The following DAB1 variants were observed in gnomAD, a reference collection of about 807,000 sequenced individuals.
The protein encoded by DAB1 is disabled homolog 1.
Under a neutral mutation model 64.6 loss-of-function variants are expected in DAB1, and 15 were observed. The ratio of observed to expected loss-of-function variants is 0.23; its 90% CI spans 0.16 to 0.36. The LOEUF is 0.36. Among genes scored for constraint, DAB1 ranks in the 10% least tolerant of loss-of-function variants. The pLI is 1.00. For missense variants in DAB1, 596 were observed against 706.7 expected (o/e 0.84, Z 1.78); for synonymous variants, 235 against 251.9 (o/e 0.93, Z 0.64).
At chr1:58,451,330 C>T (rs1454580999) in intron 3 of DAB1, among the ~76,000 whole-genome samples, 1 of 152,160 alleles carries the variant, frequency 6.6e-6, no homozygotes, top group Admixed American at 6.5e-5. Flanking sequence ...TGGGCTCAAG[C>T]GACCCTCCCA....
chr1:57,684,179 C>T (rs12120263), intron 6 of DAB1, among the ~76,000 whole-genome samples: 1 of 151,932 alleles, frequency 6.6e-6, no homozygotes, highest in South Asian at 2.1e-4. Flanking sequence ...AGAAAGTAAG[C>T]AACTTGGAAA....
At position 57,799,494 on chromosome 1, in the gene DAB1, G is replaced by A. The variant is rs116796788; in HGVS notation, n.551+84505C>T. Among the ~76,000 whole-genome samples the A allele has an allele frequency of 9.3e-3, 1,402 of 150,520 alleles. 15 individuals carry two copies. The highest frequency in any genetic ancestry group is 0.033 in the African/African-American group (1,360 of 40,812). ...GGTTTGCCAGAGCCACGGTTTCAAAGTGTTTCCAGGCCAGACTGATTTGTT... is the reference window on the plus strand; with the variant it reads ...GGTTTGCCAGAGCCACGGTTTCAAAATGTTTCCAGGCCAGACTGATTTGTT... On this transcript the variant is annotated intron_variant and non_coding_transcript_variant, in intron 6 of 20. Coordinates refer to the DAB1 transcript ENST00000485760.
intron 6 of DAB1, among the ~76,000 whole-genome samples, chr1:57,722,669 A>C (rs1647165064): frequency 6.6e-6 from 1 of 152,206 alleles, no homozygotes. Context: ...TAATTTTGCA[A>C]TGTCATTTCA....
chr1:58,335,978 G>A (rs544335749), intron 4 of DAB1, among the ~76,000 whole-genome samples: 80 of 152,288 alleles, frequency 5.3e-4, no homozygotes, highest in African/African-American at 1.9e-3. Context: ...AAAGTCAAAG[G>A]AGCTGAAGAA....
intron 5 of DAB1, among the ~76,000 whole-genome samples, chr1:57,959,093 T>A (rs1645456407): frequency 6.6e-6 from 1 of 152,182 alleles, no homozygotes; most frequent in South Asian, 2.1e-4. Context: ...AGTCAAGTGA[T>A]CAGCACTCAG....
At chr1:57,558,633 A>G (rs1283320795) in intron 7 of DAB1, among the ~76,000 whole-genome samples, 1 of 152,220 alleles carries the variant, frequency 6.6e-6, no homozygotes, top group African/African-American at 2.4e-5. Flanking sequence ...GAGTTGGATC[A>G]GGCTGAATTT....
At chr1:57,991,957 A>T (rs1646349374) in intron 5 of DAB1, among the ~76,000 whole-genome samples, 1 of 151,728 alleles carries the variant, frequency 6.6e-6, no homozygotes, top group East Asian at 2.0e-4. Context: ...CAAGGAGGAC[A>T]TTCCAGGTAG....
intron 1 of DAB1, among the ~76,000 whole-genome samples, chr1:57,859,888 A>G (rs1239340169): frequency 1.3e-5 from 2 of 152,210 alleles, no homozygotes; most frequent in South Asian, 2.1e-4. Flanking sequence ...AAGACCTCTA[A>G]TAAACCTCTC....
intron 2 of DAB1, among the ~76,000 whole-genome samples, chr1:57,221,549 A>G (rs1666874361): frequency 6.6e-6 from 1 of 152,016 alleles, no homozygotes. Context: ...AAACTATGAT[A>G]CTCTGGAATT....
rs1031694179 is a variant in DAB1, at chr1:57,487,113, C to T, written n.625+162479G>A. Among the ~76,000 whole-genome samples the T allele has an allele frequency of 3.3e-5, 5 of 152,068 alleles. No individual in the cohort carries two copies. The East Asian group carries it at 9.7e-4, about 29-fold the overall frequency. On this transcript the variant is annotated intron_variant and non_coding_transcript_variant, in intron 7 of 20. Coordinates refer to the DAB1 transcript ENST00000485760. ...CACAGAAGAGCAAGCCAGATGGTGG[C>T]CCAGGTCAAGTCTAGACATTCAGCT... is the stretch of plus-strand genomic sequence containing the variant.
chr1:57,781,536 A>T (rs906241989), intron 6 of DAB1, among the ~76,000 whole-genome samples: 3 of 152,092 alleles, frequency 2.0e-5, no homozygotes, highest in African/African-American at 7.2e-5. Context: ...AAGTGGAGTC[A>T]TTCCCAATTT....
chr1:58,104,283 C>A lies in DAB1; in HGVS notation n.387+46228G>T, dbSNP rs534112712. Among the ~76,000 whole-genome samples, 100 of 152,250 alleles carry A rather than the reference C, an allele frequency of 6.6e-4. 2 individuals carry two copies. In the Middle Eastern group the frequency reaches 0.014, roughly 21 times the overall value. Reference sequence around the variant, plus strand: ...AACTGAATTGGACAAGTCCTTTCAACTAGATTTTCAGACTTTGGAGGATTA... The same window carrying A: ...AACTGAATTGGACAAGTCCTTTCAAATAGATTTTCAGACTTTGGAGGATTA... On this transcript the variant is annotated intron_variant and non_coding_transcript_variant, in intron 5 of 20. Coordinates refer to the DAB1 transcript ENST00000485760.
At chr1:57,621,951 C>T (rs887128312) in intron 7 of DAB1, among the ~76,000 whole-genome samples, 2 of 152,138 alleles carry the variant, frequency 1.3e-5, no homozygotes, top group African/African-American at 4.8e-5. Flanking sequence ...CATCAGTAGG[C>T]TTTGGCAGTG....
At chr1:58,347,345 C>T (rs980826692) in intron 3 of DAB1, among the ~76,000 whole-genome samples, 2 of 152,110 alleles carry the variant, frequency 1.3e-5, no homozygotes, top group Admixed American at 6.5e-5. Context: ...TGACCTCAGG[C>T]GATTCACCCG....
At chr1:58,117,043 C>T (rs1411272883) in intron 5 of DAB1, among the ~76,000 whole-genome samples, 1 of 152,174 alleles carries the variant, frequency 6.6e-6, no homozygotes, top group Non-Finnish European at 1.5e-5. Context: ...TACTCATTTG[C>T]TCCTCAAAAA....
intron 6 of DAB1, among the ~76,000 whole-genome samples, chr1:57,810,737 G>A (rs1313290574): frequency 2.0e-5 from 3 of 152,180 alleles, no homozygotes; most frequent in Non-Finnish European, 4.4e-5. Flanking sequence ...CTAAAAGTAG[G>A]ACTTCTCATA....
intron 6 of DAB1, among the ~76,000 whole-genome samples, chr1:57,709,191 T>C (rs1399508856): frequency 6.6e-6 from 1 of 152,200 alleles, no homozygotes; most frequent in Non-Finnish European, 1.5e-5. Context: ...CTTTACTTCC[T>C]TATTTCTCTT....
At chr1:57,844,257 A>G (rs949866927) in intron 1 of DAB1, among the ~76,000 whole-genome samples, 2 of 152,210 alleles carry the variant, frequency 1.3e-5, no homozygotes, top group Non-Finnish European at 1.5e-5. Context: ...TGTTTCCCTT[A>G]GTATATTATG....
intron 4 of DAB1, among the ~76,000 whole-genome samples, chr1:58,158,149 G>A (rs981214589): frequency 2.0e-5 from 3 of 152,060 alleles, no homozygotes. Context: ...ATGGAGAAAG[G>A]AAGACCAAAG....
Sources: allele counts gnomAD v4.1 joint callset (sites outside exome capture counted in the v4.1 genomes callset), GRCh38; gene constraint gnomAD v4.1.1; transcripts MANE v1.5; gene names NCBI Gene and HGNC (gene_info 2026-07-23, HGNC 2026-07-21).